PLCG2: variants seen among roughly 807,000 people sequenced by gnomAD.
PLCG2 encodes 1-phosphatidylinositol 4,5-bisphosphate phosphodiesterase gamma-2.
PLCG2 carries 69 observed loss-of-function variants against 175.6 expected under a neutral mutation model. The ratio of observed to expected loss-of-function variants is 0.39; its 90% confidence interval spans 0.32 to 0.48. The LOEUF (loss-of-function observed/expected upper bound fraction) is 0.48, where lower values mean the gene tolerates loss of function less well. PLCG2 is among the 20% of genes least tolerant of loss of function. PLCG2 has a pLI of 0.91. For synonymous variants in PLCG2, 827 were observed against 624.0 expected (o/e 1.33, Z -4.85); for missense variants, 1,798 against 1,650.9 (o/e 1.09, Z -1.54).
intron 13 of PLCG2, among the ~76,000 whole-genome samples, 173 bp from the exon 14 acceptor site, chr16:81,900,439 G>A (rs1475179355): frequency 6.6e-6 from 1 of 152,252 alleles, no homozygotes; most frequent in Admixed American, 6.5e-5. Flanking sequence ...CAAGACTTGT[G>A]CCTTCACACC....
intron 22 of PLCG2, among the ~76,000 whole-genome samples, chr16:81,925,296 T>G (rs541783129): frequency 6.6e-6 from 1 of 152,280 alleles, no homozygotes; most frequent in South Asian, 2.1e-4. Context: ...ACTTCCAAAC[T>G]GGTTCCCTGT....
chr16:81,820,014 A>G (rs1904724872), intron 2 of PLCG2, among the ~76,000 whole-genome samples: 1 of 152,222 alleles, frequency 6.6e-6, no homozygotes, highest in African/African-American at 2.4e-5. Flanking sequence ...ACTACCCTCC[A>G]GGGAGCACTG....
chr16:81,753,642 C>G (rs1347457279), intron 1 of PLCG2, among the ~76,000 whole-genome samples: 1 of 152,154 alleles, frequency 6.6e-6, no homozygotes, highest in African/African-American at 2.4e-5. Context: ...GACCTGGCCT[C>G]AAGTGATCTC....
intron 3 of PLCG2, among the ~76,000 whole-genome samples, chr16:81,857,677 G>T (rs879606175): frequency 3.3e-5 from 5 of 152,096 alleles, no homozygotes; most frequent in Non-Finnish European, 5.9e-5. Flanking sequence ...CCTCATGGAG[G>T]CCCCACTCTC....
chr16:81,802,786 G>A (rs1427543491), intron 2 of PLCG2, among the ~76,000 whole-genome samples: 3 of 152,016 alleles, frequency 2.0e-5, no homozygotes, highest in African/African-American at 7.3e-5. Context: ...GATCAGGCTG[G>A]TCTCGAACTC....
In PLCG2 at chr16:81,870,060, C is replaced by T. The variant is rs140466131; in HGVS notation, c.564+762C>T. Among the ~76,000 whole-genome samples the T allele has an allele frequency of 2.0e-5, 3 of 152,252 alleles. No homozygotes were observed. The East Asian group carries it at 5.8e-4, about 29-fold the overall frequency. On this transcript the variant is annotated intron_variant, in intron 6 of 32. Coordinates refer to ENST00000564138, the MANE Select transcript of PLCG2 (RefSeq NM_002661.5). ...TTAATGAGCTCCTGGAAAAATTATC[C>T]CATTTTATTGCTTATCAAGCATCCT...
chr16:81,803,250 C>A (rs1194906696), intron 2 of PLCG2, among the ~76,000 whole-genome samples: 1 of 151,724 alleles, frequency 6.6e-6, no homozygotes, highest in Non-Finnish European at 1.5e-5. Context: ...TCCTGAGTAG[C>A]TGGGACTACA....
At chr16:81,874,718 G>A (rs1013854149) in intron 7 of PLCG2, among the ~76,000 whole-genome samples, 1 of 152,146 alleles carries the variant, frequency 6.6e-6, no homozygotes, top group Non-Finnish European at 1.5e-5. Context: ...GGTTTCCATC[G>A]TGAGCTTGCT....
upstream of PLCG2, among the ~76,000 whole-genome samples, chr16:81,776,186 G>A (rs373008147): frequency 1.3e-5 from 2 of 149,152 alleles, no homozygotes; most frequent in African/African-American, 2.5e-5. Context: ...TCGGCTCACT[G>A]CAAGCTCCAC....
intron 20 of PLCG2, among the ~76,000 whole-genome samples, chr16:81,920,679 G>C (rs1263930404): frequency 1.3e-5 from 2 of 152,288 alleles, no homozygotes; most frequent in Admixed American, 1.3e-4. Context: ...AAGAGTTAGA[G>C]AGGAACAGAG....
chr16:81,767,479 A>C (rs1910176781), intron 2 of PLCG2: 1 of 152,184 alleles, frequency 6.6e-6, no homozygotes, highest in African/African-American at 2.4e-5. Flanking sequence ...TACTAGGCTC[A>C]GCTTAGGGAC....
rs575279565 is a variant in PLCG2 at position 81,954,219 on chromosome 16, C to T, written c.3571-2476C>T. Among the ~76,000 whole-genome samples the T allele has an allele frequency of 4.0e-4, 61 of 152,202 alleles. 1 individual carries two copies. Among genetic ancestry groups the T allele is most frequent in the East Asian group, 2.3e-3 (12 of 5,176 alleles). On this transcript the variant is annotated intron_variant, in intron 31 of 32. Transcript: ENST00000564138. Reference sequence around the variant, plus strand: ...TTCATTTTTTATAGTAACAGGGTCCCGCTATGTTGCCCAGGCTGGTCTTGA... The same window carrying T: ...TTCATTTTTTATAGTAACAGGGTCCTGCTATGTTGCCCAGGCTGGTCTTGA...
At chr16:81,825,283 ATTTTTTTTTT>A (rs577002663) in intron 2 of PLCG2, among the ~76,000 whole-genome samples, 2 of 115,878 alleles carry the variant, frequency 1.7e-5, no homozygotes, top group South Asian at 2.7e-4. Flanking sequence ...AGATGCTCTA[ATTTTTTTTTT>A]TTTTTTTTTT....
intron 25 of PLCG2, 31 bp from the exon 26 acceptor site, chr16:81,934,398 G>T (rs1910625072): frequency 7.4e-7 from 1 of 1,353,006 alleles, no homozygotes; most frequent in Admixed American, 1.7e-5. Context: ...TTTCTCGGGG[G>T]CGGGCACTAA....
intron 1 of PLCG2, among the ~76,000 whole-genome samples, chr16:81,743,407 G>C (rs1394378018): frequency 2.6e-5 from 4 of 152,054 alleles, no homozygotes; most frequent in Non-Finnish European, 4.4e-5. Flanking sequence ...TGGACCGACT[G>C]GCACAGACTT....
intron 19 of PLCG2, among the ~76,000 whole-genome samples, chr16:81,919,108 G>A (rs1909958320): frequency 6.6e-6 from 1 of 152,170 alleles, no homozygotes; most frequent in South Asian, 2.1e-4. Flanking sequence ...ATAAACAAAT[G>A]AACTGTAGCT....
chr16:81,761,078 G>A (rs1042070131), intron 2 of PLCG2, among the ~76,000 whole-genome samples: 1 of 152,098 alleles, frequency 6.6e-6, no homozygotes, highest in African/African-American at 2.4e-5. Context: ...TGTATTTTTT[G>A]TAGTAACAAG....
At chr16:81,899,776 G>T (rs1328089771) in intron 13 of PLCG2, among the ~76,000 whole-genome samples, 1 of 152,194 alleles carries the variant, frequency 6.6e-6, no homozygotes, top group African/African-American at 2.4e-5. Flanking sequence ...GTTCAGGCAC[G>T]AATTACAGTG....
intron 2 of PLCG2, among the ~76,000 whole-genome samples, chr16:81,824,041 TTCCTTTCCTG>T (rs1392191974): frequency 5.3e-4 from 40 of 75,968 alleles, no homozygotes; most frequent in Non-Finnish European, 7.7e-4. Flanking sequence ...TTCCTTTCCT[TTCCTTTCCTG>T]TCCTGTCCTG....
Sources: gnomAD v4.1 joint callset for allele counts (sites outside exome capture counted in the v4.1 genomes callset) on GRCh38, gnomAD v4.1.1 for gene constraint, MANE v1.5 for transcripts, NCBI Gene and HGNC (gene_info 2026-07-23, HGNC 2026-07-21) for gene names.